Variants in UEVLD observed in about 807,000 individuals in gnomAD.
UEVLD encodes the protein UEV and lactate/malate dehyrogenase domains.
UEVLD carries 47 observed loss-of-function variants against 58.6 expected under a neutral mutation model. That is an observed-to-expected ratio of 0.80 (90% confidence interval 0.63 to 1.02). The LOEUF (loss-of-function observed/expected upper bound fraction) is 1.02. Ranked by LOEUF, UEVLD falls within the 50% of genes least tolerant of loss-of-function variation. The pLI is 0.00. For synonymous variants in UEVLD, 197 were observed against 195.3 expected, an observed-to-expected ratio of 1.01 and a Z score of -0.07; for missense variants, 510 against 550.6, an observed-to-expected ratio of 0.93 and a Z score of 0.74.
At chr11:18,545,074 AT>A (rs773948158) in intron 8 of UEVLD, among the ~76,000 whole-genome samples, 16,138 of 84,062 alleles carry the variant, frequency 0.19, 1,075 homozygotes, top group Middle Eastern at 0.24. Context: ...CTATATCTAT[AT>A]TTTTTTTTTT....
intron 6 of UEVLD, among the ~76,000 whole-genome samples, chr11:18,560,606 A>C (rs1177424268): frequency 6.6e-6 from 1 of 152,240 alleles, no homozygotes; most frequent in Admixed American, 6.5e-5. Flanking sequence ...CAAAACGTTC[A>C]TCAGTAACAA....
At chr11:18,534,285 ATATCT>A in intron 11 of UEVLD, 40 bp downstream of exon 11, 1 of 1,356,408 alleles carries the variant, frequency 7.4e-7, no homozygotes, top group Non-Finnish European at 9.7e-7. Context: ...TGTATTAATA[ATATCT>A]AAGTTTAAAA....
intron 9 of UEVLD, among the ~76,000 whole-genome samples, chr11:18,541,776 C>A (rs889033756): frequency 6.6e-6 from 1 of 152,072 alleles, no homozygotes; most frequent in Non-Finnish European, 1.5e-5. Context: ...ATAAGATGGC[C>A]GAGAAGGCAA....
intron 9 of UEVLD, 142 bp downstream of exon 9, chr11:18,544,481 A>G: frequency 2.4e-6 from 2 of 824,684 alleles, no homozygotes; most frequent in Non-Finnish European, 3.6e-6. Context: ...CTAATTTTTT[A>G]TCTTTTTGTA....
chr11:18,546,757 C>A, intron 8 of UEVLD, 123 bp downstream of exon 8: 1 of 1,065,656 alleles, frequency 9.4e-7, no homozygotes, highest in Non-Finnish European at 1.3e-6. Context: ...CCTCAGACTC[C>A]CAGTGTTGGG....
At chr11:18,566,527 T>G in intron 4 of UEVLD, 45 bp from the exon 5 acceptor site, 1 of 1,598,418 alleles carries the variant, frequency 6.3e-7, no homozygotes, top group Non-Finnish European at 8.5e-7. Flanking sequence ...AAAATTTTGC[T>G]GAAGAATACT....
chr11:18,570,504 GGGATGCT>G (rs1217126039), intron 3 of UEVLD, 127 bp from the exon 4 acceptor site: 181 of 849,190 alleles, frequency 2.1e-4, no homozygotes, highest in Non-Finnish European at 2.9e-4. Flanking sequence ...CCAGCACTTT[GGGATGCT>G]GAGGTGAGCA....
chr11:18,576,281 G>A (rs577023578), intron 2 of UEVLD, among the ~76,000 whole-genome samples: 22 of 152,246 alleles, frequency 1.4e-4, no homozygotes, highest in African/African-American at 3.9e-4. Context: ...GGCCGGGCAC[G>A]GTGGCTCACA....
intron 2 of UEVLD, among the ~76,000 whole-genome samples, chr11:18,576,403 T>C (rs1438691098): frequency 2.0e-5 from 3 of 151,622 alleles, no homozygotes; most frequent in Non-Finnish European, 4.4e-5. Context: ...CCGGGTGTGG[T>C]GGTTCCCAGC....
intron 1 of UEVLD, among the ~76,000 whole-genome samples, chr11:18,586,371 C>A (rs1200476303): frequency 1.3e-5 from 2 of 152,000 alleles, no homozygotes; most frequent in African/African-American, 4.8e-5. Context: ...CGGGCCACCA[C>A]GCCTGGCTTA....
chr11:18,536,740 G>T, intron 9 of UEVLD: 1 of 365,698 alleles, frequency 2.7e-6, no homozygotes, highest in East Asian at 5.8e-5. Context: ...AGTTCTGCAA[G>T]GGCCATTTTA....
At chr11:18,540,224 G>A (rs902759110) in intron 9 of UEVLD, among the ~76,000 whole-genome samples, 3 of 152,160 alleles carry the variant, frequency 2.0e-5, no homozygotes, top group African/African-American at 7.2e-5. Flanking sequence ...ATCTCATTGA[G>A]CCTTAAGTTT....
rs867753733 is a variant in UEVLD at position 18,537,412 on chromosome 11, A to G, written c.1061-943T>C. Among the ~76,000 whole-genome samples the G allele has an allele frequency of 2.7e-5, 4 of 148,266 alleles. No homozygotes were observed. In the East Asian group the frequency reaches 8.0e-4, roughly 30 times the overall value. On this transcript the variant is annotated intron_variant, in intron 9 of 11. Transcript: ENST00000396197. ...AATGGTGTGATCTTGGCTCACTGCA[A>G]CCTCCGCCTCCCGGTTCAAACAATT...
At chr11:18,581,097 G>T (rs1565144409) in intron 1 of UEVLD, among the ~76,000 whole-genome samples, 1 of 151,344 alleles carries the variant, frequency 6.6e-6, no homozygotes, top group Non-Finnish European at 1.5e-5. Flanking sequence ...AGGAGGCGGA[G>T]GTTGCAGTGG....
chr11:18,530,693 G>A lies in UEVLD; in HGVS notation c.*1627C>T, dbSNP rs532401229. ...ACCCTCCTGAGTAGCTGGAACTACA[G>A]GTGCACATCACCACACCTGGCTAAT... On this transcript the variant is annotated 3_prime_UTR_variant, in exon 12 of 12. Transcript: ENST00000396197. The A allele has an allele frequency of 6.6e-6, 1 of 152,366 alleles. No individual in the cohort carries two copies. The highest frequency in any genetic ancestry group is 1.9e-4 in the East Asian group (1 of 5,186). 9.4% of individuals were successfully genotyped at this position (152,366 alleles called of 1,614,324 possible). A position where few individuals can be genotyped will look rare whatever the true frequency, so the allele number is the denominator to read the frequency against.
intron 9 of UEVLD, among the ~76,000 whole-genome samples, chr11:18,536,962 C>G (rs1475167423): frequency 7.2e-6 from 1 of 139,110 alleles, no homozygotes; most frequent in Non-Finnish European, 1.5e-5. Flanking sequence ...GTGGCATGAT[C>G]TTGGCTCACT....
intron 8 of UEVLD, among the ~76,000 whole-genome samples, chr11:18,545,101 G>A (rs1296866587): frequency 1.5e-5 from 2 of 132,326 alleles, no homozygotes; most frequent in South Asian, 4.6e-4. Flanking sequence ...GAGATGGAGT[G>A]TCGCTCTATC....
intron 6 of UEVLD, chr11:18,563,713 G>A (rs1485734108): frequency 1.0e-6 from 1 of 984,864 alleles, no homozygotes; most frequent in Non-Finnish European, 1.2e-6. Context: ...CTAATTAAGA[G>A]GTAATAGCAG....
rs1248200714 is a variant in UEVLD at position 18,588,617 on chromosome 11, C to T, written c.38G>A (p.Gly13Asp). The change falls in exon 1 of 12, where the codon GGC (glycine) becomes GAC (aspartate). Residue 13 changes from glycine to aspartate, a missense_variant. Physicochemically the swap from Gly to Asp is moderately conservative, Grantham distance 94 (BLOSUM62 -1). Transcript: ENST00000396197. The stretch of plus-strand genomic sequence containing the variant: ...GGCCCAGCGGACTGCCCGCACCTTG[C>T]CAAGCAGCCGTCTCAGGCCCTCGCA... ...FDCEGLRRLL[G>D]KYKFRDLTVE... The T allele has an allele frequency of 4.3e-6, 7 of 1,610,324 alleles. No individual in the cohort carries two copies. The highest frequency in any genetic ancestry group is 5.9e-6 in the Non-Finnish European group (7 of 1,179,842).
Sources: gnomAD v4.1 joint callset for allele counts (sites outside exome capture counted in the v4.1 genomes callset) on GRCh38, gnomAD v4.1.1 for gene constraint, MANE v1.5 for transcripts, NCBI Gene and HGNC (gene_info 2026-07-23, HGNC 2026-07-21) for gene names.